Variants in B3GALT1 observed in about 807,000 individuals in gnomAD.
B3GALT1 encodes beta-1,3-galactosyltransferase 1, also known as UDP-Gal:betaGlcNAc beta 1,3-galactosyltransferase, polypeptide 1.
B3GALT1 carries 10 observed loss-of-function variants against 23.2 expected under a neutral mutation model. The ratio of observed to expected loss-of-function variants is 0.43; its 90% CI spans 0.27 to 0.73. The LOEUF (loss-of-function observed/expected upper bound fraction) is 0.73, where lower values mean the gene tolerates loss of function less well. Among genes scored for constraint, B3GALT1 ranks in the 30% least tolerant of loss-of-function variants. B3GALT1 has a pLI of 0.21. For synonymous variants in B3GALT1, 156 were observed against 141.5 expected (o/e 1.10, Z -0.73); for missense variants, 299 against 405.4 (o/e 0.74, Z 2.25).
chr2:167,491,241 T>C (rs1243557089), intron 2 of B3GALT1, among the ~76,000 whole-genome samples: 3 of 152,218 alleles, frequency 2.0e-5, no homozygotes, highest in Admixed American at 1.3e-4. Context: ...AGACTGAATA[T>C]TGAAGAATTG....
chr2:167,545,305 G>A lies in B3GALT1; in HGVS notation c.-410+55028G>A, dbSNP rs534041881. Among the ~76,000 whole-genome samples, 30 of 152,034 alleles carry A rather than the reference G, an allele frequency of 2.0e-4. 1 individual carries two copies. The East Asian group carries it at 5.5e-3, about 28-fold the overall frequency. On this transcript the variant is annotated intron_variant, in intron 2 of 4. Transcript: ENST00000392690. ...CCACCTCGGCCTCCCAAAGTGCTGG[G>A]ATTACAGGCGTGAGCCACCGGCCCG...
At chr2:167,312,349 G>T (rs889278086) in intron 1 of B3GALT1, among the ~76,000 whole-genome samples, 8 of 152,004 alleles carry the variant, frequency 5.3e-5, no homozygotes, top group African/African-American at 1.7e-4. Context: ...GAAATTAAGT[G>T]AAGTTAAATT....
intron 1 of B3GALT1, among the ~76,000 whole-genome samples, chr2:167,469,777 G>A (rs1052330359): frequency 6.6e-6 from 1 of 151,920 alleles, no homozygotes; most frequent in Non-Finnish European, 1.5e-5. Flanking sequence ...ATGTCTTTAG[G>A]TATAACATGT....
chr2:167,312,521 C>A (rs1400508352), intron 1 of B3GALT1, among the ~76,000 whole-genome samples: 2 of 151,592 alleles, frequency 1.3e-5, no homozygotes, highest in Non-Finnish European at 2.9e-5. Flanking sequence ...TAAAAGAGAA[C>A]AAAAAAACCG....
Position 167,865,986 on chromosome 2 carries a change from C to G in B3GALT1, c.-229-2825C>G, listed in dbSNP as rs532843508. On this transcript the variant is annotated intron_variant, in intron 4 of 4. Coordinates refer to ENST00000392690, the MANE Select transcript of B3GALT1 (RefSeq NM_020981.4). ...CAACCCACCCTCCCCCATCCTCCTC[C>G]CCATCATCCTATCCTCTTCTTTTAC... is the stretch of plus-strand genomic sequence containing the variant. Among the ~76,000 whole-genome samples, 7 of 152,180 alleles carry G rather than the reference C, an allele frequency of 4.6e-5. No individual in the cohort carries two copies. In the East Asian group the frequency reaches 1.4e-3, roughly 29 times the overall value.
At chr2:167,534,107 G>T (rs953658837) in intron 2 of B3GALT1, among the ~76,000 whole-genome samples, 1 of 151,924 alleles carries the variant, frequency 6.6e-6, no homozygotes, top group African/African-American at 2.4e-5. Flanking sequence ...AATATATATG[G>T]TGTATTTCTT....
intron 1 of B3GALT1, among the ~76,000 whole-genome samples, chr2:167,455,182 C>T (rs1699149684): frequency 6.6e-6 from 1 of 152,168 alleles, no homozygotes; most frequent in South Asian, 2.1e-4. Context: ...GATTGAGAAC[C>T]TCTAAAAAAT....
intron 1 of B3GALT1, among the ~76,000 whole-genome samples, chr2:167,458,392 T>C (rs13413030): frequency 0.11 from 17,110 of 152,264 alleles, 1,123 homozygotes; most frequent in African/African-American, 0.19. Flanking sequence ...ATGTTTTAGC[T>C]ATTGTGAATA....
intron 3 of B3GALT1, among the ~76,000 whole-genome samples, chr2:167,666,185 G>T (rs1265938416): frequency 2.0e-5 from 3 of 152,174 alleles, no homozygotes; most frequent in Admixed American, 1.3e-4. Flanking sequence ...ACATCTTTAT[G>T]TCTGCCTTCA....
chr2:167,610,126 G>A (rs776961955), intron 2 of B3GALT1, among the ~76,000 whole-genome samples: 2 of 152,196 alleles, frequency 1.3e-5, no homozygotes, highest in Non-Finnish European at 2.9e-5. Context: ...ATCTTTTAGC[G>A]AATGTTAACT....
At chr2:167,645,395 T>C (rs980194353) in intron 2 of B3GALT1, among the ~76,000 whole-genome samples, 26 of 152,200 alleles carry the variant, frequency 1.7e-4, no homozygotes, top group African/African-American at 6.0e-4. Flanking sequence ...AGATAAAATA[T>C]TTAACTATCA....
chr2:167,713,429 C>G (rs913599060), intron 3 of B3GALT1, among the ~76,000 whole-genome samples: 2 of 152,172 alleles, frequency 1.3e-5, no homozygotes, highest in Non-Finnish European at 2.9e-5. Context: ...ACCATCCTAA[C>G]AAACTTATCT....
chr2:167,539,255 T>C (rs1159936432), intron 2 of B3GALT1, among the ~76,000 whole-genome samples: 1 of 150,652 alleles, frequency 6.6e-6, no homozygotes, highest in Non-Finnish European at 1.5e-5. Flanking sequence ...TTTCTTTTTC[T>C]ATTTAAAAAA....
rs1393663807 is a variant in B3GALT1 at position 167,422,659 on chromosome 2, T to A, written c.-510-67518T>A. Among the ~76,000 whole-genome samples, 3 of 152,036 alleles carry A rather than the reference T, an allele frequency of 2.0e-5. No individual in the cohort carries two copies. In the East Asian group the frequency reaches 5.8e-4, roughly 29 times the overall value. On this transcript the variant is annotated intron_variant, in intron 1 of 4. Transcript: ENST00000392690. ...GGGAGAGTGGTTATGGATACCTGAT[T>A]CATGCCTGTAAAAGTGTAAAGCTTG...
intron 4 of B3GALT1, among the ~76,000 whole-genome samples, chr2:167,856,313 A>AC (rs1689998818): frequency 7.2e-5 from 11 of 152,196 alleles, no homozygotes; most frequent in Non-Finnish European, 1.5e-4. Context: ...GTATAAACTT[A>AC]CATATATACC....
At chr2:167,606,572 A>G (rs1684964805) in intron 2 of B3GALT1, among the ~76,000 whole-genome samples, 1 of 152,168 alleles carries the variant, frequency 6.6e-6, no homozygotes, top group African/African-American at 2.4e-5. Flanking sequence ...TTTCTACCAA[A>G]TAGATCAATT....
At chr2:167,779,780 TTGTTC>T (rs1688217661) in intron 3 of B3GALT1, among the ~76,000 whole-genome samples, 1 of 152,194 alleles carries the variant, frequency 6.6e-6, no homozygotes, top group Admixed American at 6.5e-5. Context: ...ACATATTGCA[TTGTTC>T]TCACAGTGCC....
chr2:167,810,088 G>A (rs116349455), intron 3 of B3GALT1, among the ~76,000 whole-genome samples: 5,305 of 144,966 alleles, frequency 0.037, 151 homozygotes, highest in South Asian at 0.089. Flanking sequence ...TGAGCCACGC[G>A]TGGGATATAA....
chr2:167,561,911 A>C (rs1462845368), intron 2 of B3GALT1, among the ~76,000 whole-genome samples: 1 of 152,230 alleles, frequency 6.6e-6, no homozygotes, highest in African/African-American at 2.4e-5. Context: ...TTCTGAAACT[A>C]TTCCAGTCAG....
Sources: gnomAD v4.1 joint callset for allele counts (sites outside exome capture counted in the v4.1 genomes callset) on GRCh38, gnomAD v4.1.1 for gene constraint, MANE v1.5 for transcripts, NCBI Gene and HGNC (gene_info 2026-07-23, HGNC 2026-07-21) for gene names.